Variants in LHFPL1 observed in about 807,000 individuals in gnomAD.
LHFPL1 encodes LHFPL tetraspan subfamily member 1.
LHFPL1 carries 4 observed loss-of-function variants against 12.1 expected under a neutral mutation model. The ratio of observed to expected loss-of-function variants is 0.33; its 90% confidence interval spans 0.16 to 0.76. The LOEUF is 0.76. Among genes scored for constraint, LHFPL1 ranks in the 30% least tolerant of loss-of-function variants. LHFPL1 has a pLI of 0.61. For missense variants in LHFPL1, 141 were observed against 174.1 expected (o/e 0.81, Z 1.07); for synonymous variants, 52 against 61.9 (o/e 0.84, Z 0.75).
At chrX:112,649,566 G>A (rs1407502809) in intron 3 of LHFPL1, among the ~76,000 whole-genome samples, 1 of 111,632 alleles carries the variant, frequency 9.0e-6, no homozygotes, top group African/African-American at 3.2e-5. Flanking sequence ...TCCTTTGACT[G>A]TAATATATCT....
intron 3 of LHFPL1, among the ~76,000 whole-genome samples, chrX:112,651,126 T>C (rs1343026513): frequency 8.9e-6 from 1 of 112,134 alleles, no homozygotes; most frequent in Non-Finnish European, 1.9e-5. Context: ...GCCCAATCTT[T>C]ATACATGAAG....
At chrX:112,664,202 G>T (rs1232514418) in intron 2 of LHFPL1, among the ~76,000 whole-genome samples, 1 of 112,136 alleles carries the variant, frequency 8.9e-6, no homozygotes, top group Non-Finnish European at 1.9e-5. Context: ...TTGAATCTGT[G>T]GACACAGAAC....
In LHFPL1 at chrX:112,639,562, T is replaced by C. The variant is rs887441077; in HGVS notation, c.482-7961A>G. On this transcript the variant is annotated intron_variant, in intron 3 of 3. Coordinates refer to ENST00000371968, the MANE Select transcript of LHFPL1 (RefSeq NM_178175.4). ...CCTCATGACGACAGAAATGCCCTGA[T>C]TTGGCTGATTTTTCTTTTCTCTCTC... Among the ~76,000 whole-genome samples the C allele has an allele frequency of 2.7e-5, 3 of 111,992 alleles. No individual in the cohort carries two copies. The South Asian group carries it at 1.1e-3, about 43-fold the overall frequency.
At position 112,660,270 on chromosome X, in the gene LHFPL1, G is replaced by A. The variant is rs149875060; in HGVS notation, c.481+357C>T. On this transcript the variant is annotated intron_variant, in intron 3 of 3. Transcript: ENST00000371968. The stretch of plus-strand genomic sequence containing the variant: ...ACATCTTCAGTGGAGATTGACAAAC[G>A]ATACTGTTGACTTACATTTGAAAAA... 7.6e-3 allele frequency among the ~76,000 whole-genome samples: 855 copies of A among 112,232 alleles called. 7 individuals are homozygous for A. Among genetic ancestry groups the A allele is most frequent in the Non-Finnish European group, 0.011 (612 of 53,242 alleles).
intron 3 of LHFPL1, among the ~76,000 whole-genome samples, chrX:112,655,270 T>C (rs921724415): frequency 8.9e-6 from 1 of 111,969 alleles, no homozygotes; most frequent in African/African-American, 3.2e-5. Flanking sequence ...TGTACACCAG[T>C]GAAGATTTGG....
chrX:112,636,822 A>G (rs776122028), intron 3 of LHFPL1, among the ~76,000 whole-genome samples: 6 of 112,244 alleles, frequency 5.3e-5, no homozygotes, highest in Non-Finnish European at 9.4e-5. Flanking sequence ...GAGAAACACC[A>G]AACTAACTGC....
chrX:112,633,446 A>G (rs1930249210), intron 3 of LHFPL1, among the ~76,000 whole-genome samples: 2 of 112,561 alleles, frequency 1.8e-5, no homozygotes, highest in Admixed American at 1.9e-4. Flanking sequence ...GTGTACGCAT[A>G]TACTTTCCAC....
chrX:112,675,529 T>A (rs1463776823), intron 1 of LHFPL1, among the ~76,000 whole-genome samples: 1 of 112,440 alleles, frequency 8.9e-6, no homozygotes, highest in Admixed American at 9.4e-5. Flanking sequence ...CAAAATTCAA[T>A]TTAAATTAAA....
chrX:112,678,292 G>A (rs188422943), intron 1 of LHFPL1, among the ~76,000 whole-genome samples: 1 of 111,334 alleles, frequency 9.0e-6, no homozygotes, highest in Admixed American at 9.5e-5. Context: ...TGCTCCTTGA[G>A]CTCCCCATCT....
intron 3 of LHFPL1, among the ~76,000 whole-genome samples, chrX:112,653,900 T>C (rs974464502): frequency 8.0e-5 from 9 of 112,718 alleles, no homozygotes; most frequent in Non-Finnish European, 1.7e-4. Flanking sequence ...AAATGAAATG[T>C]TATTTAATCC....
intron 3 of LHFPL1, among the ~76,000 whole-genome samples, chrX:112,642,280 C>A (rs1360156509): frequency 9.6e-6 from 1 of 103,932 alleles, no homozygotes; most frequent in Non-Finnish European, 2.0e-5. Context: ...AGAGGCCGAG[C>A]TGGGCAGCTT....
chrX:112,668,759 A>G, intron 2 of LHFPL1, among the ~76,000 whole-genome samples: 1 of 112,633 alleles, frequency 8.9e-6, no homozygotes, highest in African/African-American at 3.2e-5. Flanking sequence ...TTGAGTTTCT[A>G]TACCTAGTAG....
At chrX:112,656,389 T>TA (rs59288248) in intron 3 of LHFPL1, among the ~76,000 whole-genome samples, 208 of 106,338 alleles carry the variant, frequency 2.0e-3, no homozygotes, top group Non-Finnish European at 3.3e-3. Flanking sequence ...CTCCATCTAT[T>TA]AAAAAAAAAA....
chrX:112,641,183 A>C (rs1930496119), intron 3 of LHFPL1, among the ~76,000 whole-genome samples: 1 of 111,933 alleles, frequency 8.9e-6, no homozygotes, highest in African/African-American at 3.3e-5. Context: ...TTCCAGGTCC[A>C]AGGTTCCTGG....
intron 3 of LHFPL1, among the ~76,000 whole-genome samples, chrX:112,635,189 C>T (rs747362679): frequency 2.7e-5 from 3 of 112,051 alleles, no homozygotes; most frequent in Non-Finnish European, 5.6e-5. Context: ...ATTCCCAAAT[C>T]CCATTATTTA....
chrX:112,662,883 C>T (rs1452613946), intron 2 of LHFPL1, among the ~76,000 whole-genome samples: 1 of 112,018 alleles, frequency 8.9e-6, no homozygotes, highest in African/African-American at 3.2e-5. Context: ...AGTATATACC[C>T]TTTGAGGGAA....
At chrX:112,662,714 C>T in intron 2 of LHFPL1, among the ~76,000 whole-genome samples, 1 of 111,964 alleles carries the variant, frequency 8.9e-6, no homozygotes, top group Admixed American at 9.5e-5. Flanking sequence ...CACTCAAAGA[C>T]CTTTCTAGGC....
intron 3 of LHFPL1, among the ~76,000 whole-genome samples, chrX:112,636,295 C>T (rs891694939): frequency 2.7e-5 from 3 of 111,306 alleles, no homozygotes; most frequent in Non-Finnish European, 5.7e-5. Context: ...AGGATATAGA[C>T]AGAGAGAGTT....
intron 3 of LHFPL1, among the ~76,000 whole-genome samples, chrX:112,643,378 C>CAAAAAAAAAA (rs1164744066): frequency 2.3e-4 from 9 of 38,887 alleles, no homozygotes; most frequent in African/African-American, 3.5e-4. Flanking sequence ...GACTCCGTCT[C>CAAAAAAAAAA]AAAAAAAAAA....
Sources: allele counts gnomAD v4.1 joint callset (sites outside exome capture counted in the v4.1 genomes callset), GRCh38; gene constraint gnomAD v4.1.1; transcripts MANE v1.5; gene names NCBI Gene and HGNC (gene_info 2026-07-23, HGNC 2026-07-21).